Variants in LPCAT1 observed in about 807,000 individuals in gnomAD.
LPCAT1 encodes the protein 1-acylglycerol-3-phosphate O-acyltransferase.
LPCAT1 carries 23 observed loss-of-function variants against 60.9 expected under a neutral mutation model. That is an observed-to-expected ratio of 0.38 (90% confidence interval 0.27 to 0.53). The LOEUF (loss-of-function observed/expected upper bound fraction) is 0.53. Ranked by LOEUF, LPCAT1 falls within the 20% of genes least tolerant of loss-of-function variation. The pLI is 0.82. For missense variants in LPCAT1, 622 were observed against 723.6 expected, an observed-to-expected ratio of 0.86 and a Z score of 1.61; for synonymous variants, 340 against 301.1, an observed-to-expected ratio of 1.13 and a Z score of -1.34.
At position 1,474,749 on chromosome 5, in the gene LPCAT1, A is replaced by G. The variant is rs544650514; in HGVS notation, c.900-64T>C. 85 of 1,553,374 alleles carry G rather than the reference A, an allele frequency of 5.5e-5. 1 individual carries two copies. In the South Asian group the frequency reaches 9.1e-4, roughly 17 times the overall value. On this transcript the variant is annotated intron_variant, in intron 9 of 13. Coordinates refer to ENST00000283415, the MANE Select transcript of LPCAT1 (RefSeq NM_024830.5). ...GGCAGCCAGTTCCCACCGCCCCACC[A>G]GAATAACCGCCGATGGCTCAGGGGA...
At chr5:1,501,413 C>T (rs760222166) in intron 2 of LPCAT1, 48 bp downstream of exon 2, 1 of 1,559,542 alleles carries the variant, frequency 6.4e-7, no homozygotes, top group South Asian at 1.2e-5. Context: ...CACTGTTTGG[C>T]CGCGTGACCC....
At chr5:1,515,416 C>G (rs1443467219) in intron 1 of LPCAT1, among the ~76,000 whole-genome samples, 1 of 151,220 alleles carries the variant, frequency 6.6e-6, no homozygotes, top group Non-Finnish European at 1.5e-5. Context: ...CCTGTACACC[C>G]TGCGCCACAC....
chr5:1,491,096 G>A (rs1290409461), intron 3 of LPCAT1, among the ~76,000 whole-genome samples: 1 of 151,856 alleles, frequency 6.6e-6, no homozygotes, highest in African/African-American at 2.4e-5. Flanking sequence ...CTTCTATCCT[G>A]TGGTTGTCTG....
rs2126591343 is a variant in LPCAT1, at chr5:1,502,194, C to T, written c.136-591G>A. Reference sequence around the variant, plus strand: ...GAGCTTCCTCCTGCAAATTCAAGGGCCACTCTGACGCACAGCACACAACCC... The same window carrying T: ...GAGCTTCCTCCTGCAAATTCAAGGGTCACTCTGACGCACAGCACACAACCC... On this transcript the variant is annotated intron_variant, in intron 1 of 13. Transcript: ENST00000283415. The surrounding 1 kb of genome is among the most constrained non-coding windows in gnomAD (Gnocchi z 5.5). Among the ~76,000 whole-genome samples, 1 of 152,272 alleles carries T rather than the reference C, an allele frequency of 6.6e-6. No homozygotes were observed. The highest frequency in any genetic ancestry group is 2.1e-4 in the South Asian group (1 of 4,824).
At chr5:1,504,678 C>A (rs2927665) in intron 1 of LPCAT1, among the ~76,000 whole-genome samples, 11,682 of 147,246 alleles carry the variant, frequency 0.079, 516 homozygotes, top group Middle Eastern at 0.14. Flanking sequence ...CGCGCCATTG[C>A]GCTCTAGCCT....
chr5:1,484,552 T>C (rs1319910720), intron 5 of LPCAT1, among the ~76,000 whole-genome samples: 1 of 152,112 alleles, frequency 6.6e-6, no homozygotes, highest in Non-Finnish European at 1.5e-5. Flanking sequence ...CACTATGTGG[T>C]CAGGAATTTG....
rs1490861913 is a variant in LPCAT1, at chr5:1,495,064, G to C, written c.279-150C>G. 8.5e-6 allele frequency: 6 copies of C among 702,708 alleles called. No homozygotes were observed. Among genetic ancestry groups the C allele is most frequent in the Non-Finnish European group, 1.4e-5 (6 of 430,920 alleles). 43.5% of individuals were successfully genotyped at this position (702,708 alleles called of 1,614,324 possible). ...CGCCGCCGCTGGGACATCTGCTTGAGGGAAGAAAAGACGCCGCGCCTTCCT... is the reference window on the plus strand; with the variant it reads ...CGCCGCCGCTGGGACATCTGCTTGACGGAAGAAAAGACGCCGCGCCTTCCT... On this transcript the variant is annotated intron_variant, in intron 2 of 13. Transcript: ENST00000283415. The surrounding 1 kb of genome is among the most constrained non-coding windows in gnomAD (Gnocchi z 4.7).
intron 3 of LPCAT1, 117 bp downstream of exon 3, chr5:1,494,583 A>G: frequency 1.0e-6 from 1 of 976,536 alleles, no homozygotes; most frequent in East Asian, 2.6e-5. Context: ...CTCATTCCCA[A>G]CAGAGGGGGG....
At chr5:1,465,185 G>A (rs964998856) in intron 13 of LPCAT1, among the ~76,000 whole-genome samples, 13 of 137,332 alleles carry the variant, frequency 9.5e-5, no homozygotes, top group African/African-American at 3.1e-4. Context: ...CAAAACAAGC[G>A]CACGCGCACA....
chr5:1,492,329 G>A (rs927133087), intron 3 of LPCAT1, among the ~76,000 whole-genome samples: 1 of 148,672 alleles, frequency 6.7e-6, no homozygotes, highest in Non-Finnish European at 1.5e-5. Flanking sequence ...CTGAGCTGGG[G>A]CCTGGGGAGA....
intron 1 of LPCAT1, among the ~76,000 whole-genome samples, chr5:1,517,221 G>A (rs892926516): frequency 3.9e-5 from 6 of 152,100 alleles, no homozygotes; most frequent in Non-Finnish European, 8.8e-5. Context: ...GGGGACGGTC[G>A]CGGCTCCTGG....
chr5:1,492,282 G>T (rs1218103287), intron 3 of LPCAT1, among the ~76,000 whole-genome samples: 1 of 151,842 alleles, frequency 6.6e-6, no homozygotes, highest in Non-Finnish European at 1.5e-5. Context: ...CTGGGGCCTG[G>T]GGAGATGTCT....
chr5:1,464,546 G>T (rs191857266), intron 13 of LPCAT1, among the ~76,000 whole-genome samples: 1 of 152,116 alleles, frequency 6.6e-6, no homozygotes, highest in Admixed American at 6.6e-5. Flanking sequence ...GGAAACAAGC[G>T]CACGCATGCA....
chr5:1,473,230 G>A (rs145278774), intron 11 of LPCAT1, among the ~76,000 whole-genome samples: 1 of 152,336 alleles, frequency 6.6e-6, no homozygotes, highest in East Asian at 1.9e-4. Flanking sequence ...GCTGTCACGG[G>A]ACAGTCATGG....
At chr5:1,472,542 A>G (rs1468242984) in intron 11 of LPCAT1, among the ~76,000 whole-genome samples, 1 of 152,200 alleles carries the variant, frequency 6.6e-6, no homozygotes, top group Admixed American at 6.5e-5. Context: ...CTCCTATCTC[A>G]TAAGATCATG....
rs548257543 is a variant in LPCAT1, at chr5:1,483,221, C to T, written c.726+207G>A. On this transcript the variant is annotated intron_variant, in intron 6 of 13. Transcript: ENST00000283415. This position sits in a 1 kb window ranked among gnomAD's most constrained non-coding sequence, Gnocchi z 9.2. ...TCAGGGACACGTGCATAGAACAGGC[C>T]GCACTCAGGAACGTGCCGAGCCCAG... is the stretch of plus-strand genomic sequence containing the variant. Among the ~76,000 whole-genome samples, 57 of 152,242 alleles carry T rather than the reference C, an allele frequency of 3.7e-4. No individual in the cohort carries two copies. The highest frequency in any genetic ancestry group is 1.0e-3 in the African/African-American group (42 of 41,542).
At chr5:1,491,554 G>A (rs1735583968) in intron 3 of LPCAT1, among the ~76,000 whole-genome samples, 1 of 152,204 alleles carries the variant, frequency 6.6e-6, no homozygotes, top group South Asian at 2.1e-4. Flanking sequence ...CTTCATGTGG[G>A]TTGCCCGGTG....
At position 1,501,581 on chromosome 5, in the gene LPCAT1, A is replaced by G; in HGVS notation, c.158T>C (p.Leu53Pro). The G allele has an allele frequency of 6.2e-7, 1 of 1,613,882 alleles. No individual in the cohort carries two copies. Among genetic ancestry groups the G allele is most frequent in the Non-Finnish European group, 8.5e-7 (1 of 1,179,886 alleles). The part of the protein sequence containing the change: ...KAQVALMTLT[L>P]FPVRLLVAAA... ...GGCAACCAGGAGCCGGACCGGGAAG[A>G]GCGTCAGTGTCATGAGGGCCACCTG... The change falls in exon 2 of 14, where the codon CTC (leucine) becomes CCC (proline). Residue 53 changes from leucine (L) to proline (P), a missense_variant. Leu to Pro is a moderately conservative substitution (Grantham distance 98). Around this residue, in one of 3 missense-constraint regions of LPCAT1, gnomAD observed 125 missense variants for 114.5 expected, o/e 1.09. Coordinates refer to ENST00000283415, the MANE Select transcript of LPCAT1 (RefSeq NM_024830.5).
Position 1,481,154 on chromosome 5 carries a change from G to A in LPCAT1, c.727-178C>T, listed in dbSNP as rs987791984. Reference sequence around the variant, plus strand: ...CAGAGTCCCTGAGGATCCAGGACTCGGACCAGCCCCCCAGCCTGAGGTCCC... The same window carrying A: ...CAGAGTCCCTGAGGATCCAGGACTCAGACCAGCCCCCCAGCCTGAGGTCCC... On this transcript the variant is annotated intron_variant, in intron 6 of 13. Coordinates refer to ENST00000283415, the MANE Select transcript of LPCAT1 (RefSeq NM_024830.5). The surrounding 1 kb of genome is among the most constrained non-coding windows in gnomAD (Gnocchi z 7.8). Among the ~76,000 whole-genome samples, 15 of 152,078 alleles carry A rather than the reference G, an allele frequency of 9.9e-5. No homozygotes were observed. Among genetic ancestry groups the A allele is most frequent in the Non-Finnish European group, 1.5e-4 (10 of 67,990 alleles).
Sources: allele counts gnomAD v4.1 joint callset (sites outside exome capture counted in the v4.1 genomes callset), GRCh38; gene constraint gnomAD v4.1.1; regional missense constraint gnomAD v4.1.1; non-coding constraint Gnocchi (gnomAD v3.1); transcripts MANE v1.5; gene names NCBI Gene and HGNC (gene_info 2026-07-23, HGNC 2026-07-21).